ROBO2: variants seen among roughly 807,000 people sequenced by gnomAD.
ROBO2 encodes roundabout homolog 2.
ROBO2 carries 53 observed loss-of-function variants against 160.8 expected under a neutral mutation model. The ratio of observed to expected loss-of-function variants is 0.33; its 90% CI spans 0.26 to 0.41. The LOEUF (loss-of-function observed/expected upper bound fraction) is 0.41. Ranked by LOEUF, ROBO2 falls within the 10% of genes least tolerant of loss-of-function variation. The probability of loss-of-function intolerance (pLI) is 1.00; values close to 1 mark genes in which losing one functional copy is unlikely to be tolerated. For synonymous variants in ROBO2, 664 were observed against 611.7 expected, an observed-to-expected ratio of 1.09 and a Z score of -1.26; for missense variants, 1,577 against 1,722.4, an observed-to-expected ratio of 0.92 and a Z score of 1.49.
At chr3:77,051,233 A>G (rs893620950) in intron 1 of ROBO2, among the ~76,000 whole-genome samples, 2 of 152,156 alleles carry the variant, frequency 1.3e-5, no homozygotes, top group African/African-American at 4.8e-5. Flanking sequence ...AAGCCTGAAT[A>G]ATGTCAACTT....
chr3:77,173,948 G>A (rs113565639), intron 2 of ROBO2, among the ~76,000 whole-genome samples: 2,765 of 152,110 alleles, frequency 0.018, 95 homozygotes, highest in African/African-American at 0.062. Context: ...TATAATATGT[G>A]ATGCCTAAAT....
intron 1 of ROBO2, among the ~76,000 whole-genome samples, chr3:77,077,093 T>C (rs1040047113): frequency 6.6e-6 from 1 of 152,086 alleles, no homozygotes; most frequent in African/African-American, 2.4e-5. Flanking sequence ...TTTTGAAAAA[T>C]AGAGTGCAAA....
intron 2 of ROBO2, among the ~76,000 whole-genome samples, chr3:76,466,380 C>T (rs1164516097): frequency 6.6e-6 from 1 of 151,790 alleles, no homozygotes; most frequent in Admixed American, 6.6e-5. Context: ...GTGTTTCATG[C>T]CACTTTCAAA....
chr3:75,915,052 T>A (rs191253920), intron 1 of ROBO2, among the ~76,000 whole-genome samples: 2 of 152,354 alleles, frequency 1.3e-5, no homozygotes, highest in Non-Finnish European at 2.9e-5. Context: ...TGTCTTTCTC[T>A]TGTCGCTTGT....
chr3:76,626,963 T>TA (rs2089688963), intron 2 of ROBO2, among the ~76,000 whole-genome samples: 1 of 152,176 alleles, frequency 6.6e-6, no homozygotes, highest in Non-Finnish European at 1.5e-5. Flanking sequence ...GTGCTGGGAT[T>TA]ACAGGCGTGA....
chr3:77,120,629 A>T (rs2074660670), intron 2 of ROBO2, among the ~76,000 whole-genome samples: 1 of 152,188 alleles, frequency 6.6e-6, no homozygotes. Context: ...GCATAGCTGG[A>T]ATTACAGTGA....
At chr3:76,467,365 T>A (rs2106940641) in intron 2 of ROBO2, among the ~76,000 whole-genome samples, 1 of 152,252 alleles carries the variant, frequency 6.6e-6, no homozygotes, top group South Asian at 2.1e-4. Context: ...TATCCAAAAA[T>A]TATGCCAGTA....
At chr3:77,410,034 T>G (rs2076577745) in intron 2 of ROBO2, among the ~76,000 whole-genome samples, 1 of 152,224 alleles carries the variant, frequency 6.6e-6, no homozygotes, top group Non-Finnish European at 1.5e-5. Context: ...TTGGGTTATC[T>G]CCTAAGTGAT....
At chr3:77,286,746 A>T (rs978630669) in intron 2 of ROBO2, among the ~76,000 whole-genome samples, 3 of 152,170 alleles carry the variant, frequency 2.0e-5, no homozygotes, top group African/African-American at 7.2e-5. Flanking sequence ...CCTTCACAGA[A>T]CTATATTGAA....
chr3:76,058,157 G>C (rs56033889), intron 2 of ROBO2, among the ~76,000 whole-genome samples: 3,114 of 152,014 alleles, frequency 0.02, 43 homozygotes, highest in East Asian at 0.081. Flanking sequence ...AGAATGTGCA[G>C]GTTTGTTACG....
intron 2 of ROBO2, among the ~76,000 whole-genome samples, chr3:76,271,043 T>C (rs1184091941): frequency 6.6e-6 from 1 of 152,100 alleles, no homozygotes; most frequent in Non-Finnish European, 1.5e-5. Context: ...CTTTTAATAC[T>C]AGCATCTTGA....
intron 1 of ROBO2, among the ~76,000 whole-genome samples, chr3:77,077,747 C>G (rs773553535): frequency 6.6e-6 from 1 of 152,190 alleles, no homozygotes; most frequent in African/African-American, 2.4e-5. Context: ...TCTTATCCAT[C>G]AAGGTCTGCT....
intron 2 of ROBO2, among the ~76,000 whole-genome samples, chr3:77,189,950 A>T (rs538532652): frequency 1.8e-4 from 28 of 151,980 alleles, no homozygotes; most frequent in Non-Finnish European, 3.8e-4. Flanking sequence ...TTACCACATT[A>T]TTTGAATTTT....
At chr3:77,577,412 T>C (rs1326706438) in intron 14 of ROBO2, 78 bp from the exon 16 acceptor site, 6 of 1,592,078 alleles carry the variant, frequency 3.8e-6, no homozygotes, top group Non-Finnish European at 5.2e-6. Context: ...AACTTGTCTT[T>C]ATACTCATAT....
intron 2 of ROBO2, among the ~76,000 whole-genome samples, chr3:76,682,528 C>T (rs1188541046): frequency 2.6e-5 from 4 of 152,044 alleles, no homozygotes; most frequent in Non-Finnish European, 5.9e-5. Flanking sequence ...CTGCCTCAGC[C>T]TCCTGAGTAG....
chr3:76,796,590 G>A (rs1039807478), intron 2 of ROBO2, among the ~76,000 whole-genome samples: 2 of 151,764 alleles, frequency 1.3e-5, no homozygotes, highest in Non-Finnish European at 2.9e-5. Context: ...ACAATAATAA[G>A]CTATTACTTA....
At chr3:76,518,193 A>G (rs1003435704) in intron 2 of ROBO2, among the ~76,000 whole-genome samples, 1 of 152,208 alleles carries the variant, frequency 6.6e-6, no homozygotes, top group African/African-American at 2.4e-5. Context: ...AAGGCAGTCC[A>G]CAAGAGGCAT....
chr3:76,068,347 G>C (rs1210710996), intron 2 of ROBO2, among the ~76,000 whole-genome samples: 1 of 152,070 alleles, frequency 6.6e-6, no homozygotes, highest in African/African-American at 2.4e-5. Flanking sequence ...CTTTTACTTT[G>C]AATGAGATGG....
At chr3:76,788,293 T>C (rs1576622407) in intron 2 of ROBO2, among the ~76,000 whole-genome samples, 1 of 151,496 alleles carries the variant, frequency 6.6e-6, no homozygotes. Flanking sequence ...CATACTCTAA[T>C]AAACTCCACT....
Sources: gnomAD v4.1 joint callset for allele counts (sites outside exome capture counted in the v4.1 genomes callset) on GRCh38, gnomAD v4.1.1 for gene constraint, MANE v1.5 for transcripts, NCBI Gene and HGNC (gene_info 2026-07-23, HGNC 2026-07-21) for gene names.